Variants in TCF4 observed in about 807,000 individuals in gnomAD.
The protein encoded by TCF4 is SL3-3 enhancer factor 2.
A neutral mutation model predicts 82.1 loss-of-function variants in TCF4; 3 were observed. The ratio of observed to expected loss-of-function variants is 0.04; its 90% CI spans 0.02 to 0.09. The LOEUF (loss-of-function observed/expected upper bound fraction) is 0.09, where lower values mean the gene tolerates loss of function less well. Among genes scored for constraint, TCF4 ranks in the 10% least tolerant of loss-of-function variants. TCF4 has a pLI of 1.00. For missense variants in TCF4, 518 were observed against 852.7 expected (o/e 0.61, Z 4.89); for synonymous variants, 276 against 309.6 (o/e 0.89, Z 1.14).
intron 3 of TCF4, among the ~76,000 whole-genome samples, chr18:55,503,351 C>CA (rs2096720552): frequency 6.6e-6 from 1 of 152,158 alleles, no homozygotes; most frequent in Non-Finnish European, 1.5e-5. Context: ...TTTTGGGCAT[C>CA]ATCAATTTCA....
intron 8 of TCF4, among the ~76,000 whole-genome samples, chr18:55,298,508 T>G (rs1473658990): frequency 6.6e-6 from 1 of 151,370 alleles, no homozygotes; most frequent in Non-Finnish European, 1.5e-5. Context: ...GAAAGCAATG[T>G]TTTTAGAAAA....
chr18:55,632,289 C>T (rs1482266677), intron 1 of TCF4, among the ~76,000 whole-genome samples: 1 of 152,122 alleles, frequency 6.6e-6, no homozygotes, highest in Non-Finnish European at 1.5e-5. Context: ...TCACTCGCCT[C>T]GGCCTCCCAA....
intron 3 of TCF4, among the ~76,000 whole-genome samples, chr18:55,487,240 A>T (rs965502365): frequency 2.0e-5 from 3 of 152,198 alleles, no homozygotes; most frequent in African/African-American, 7.2e-5. Context: ...TTCCCACACA[A>T]CAAATGCATG....
At chr18:55,380,598 C>T (rs1257852739) in intron 6 of TCF4, among the ~76,000 whole-genome samples, 5 of 152,148 alleles carry the variant, frequency 3.3e-5, no homozygotes, top group African/African-American at 1.2e-4. Context: ...AGGACACAAA[C>T]AAGCAGCCCA....
chr18:55,258,621 G>A (rs530644459), intron 13 of TCF4, among the ~76,000 whole-genome samples: 46 of 152,178 alleles, frequency 3.0e-4, no homozygotes, highest in East Asian at 1.2e-3. Context: ...TACATTAGTC[G>A]TTCTCAAACA....
intron 3 of TCF4, among the ~76,000 whole-genome samples, chr18:55,577,054 A>G (rs2147689203): frequency 6.8e-6 from 1 of 147,890 alleles, no homozygotes; most frequent in South Asian, 2.1e-4. Flanking sequence ...GAGATATGAG[A>G]ATAGCAGGTA....
intron 11 of TCF4, chr18:55,267,737 G>A (rs1259220019): frequency 6.6e-6 from 1 of 151,940 alleles, no homozygotes; most frequent in Non-Finnish European, 1.5e-5. Context: ...TTCCGCTAGT[G>A]GATTTTGACA....
chr18:55,347,408 G>A (rs1000808398), intron 8 of TCF4, among the ~76,000 whole-genome samples: 1 of 151,964 alleles, frequency 6.6e-6, no homozygotes, highest in Non-Finnish European at 1.5e-5. Context: ...CCCCCGACAC[G>A]CTGTGCTTGT....
intron 2 of TCF4, among the ~76,000 whole-genome samples, chr18:55,597,540 G>A (rs2097692310): frequency 6.6e-6 from 1 of 152,004 alleles, no homozygotes; most frequent in Non-Finnish European, 1.5e-5. Context: ...GGTGGTGTGT[G>A]CCTGTATCCC....
chr18:55,493,773 TC>T (rs2096600371), intron 3 of TCF4, among the ~76,000 whole-genome samples: 1 of 152,190 alleles, frequency 6.6e-6, no homozygotes, highest in African/African-American at 2.4e-5. Flanking sequence ...CCTTTGTCTC[TC>T]TGCAAAAGAT....
intron 15 of TCF4, among the ~76,000 whole-genome samples, chr18:55,248,030 G>C (rs1032728287): frequency 3.3e-5 from 5 of 152,202 alleles, no homozygotes; most frequent in Non-Finnish European, 7.3e-5. Flanking sequence ...GATTTCAGTA[G>C]AGATAATCTC....
chr18:55,617,552 C>T (rs2097713304), intron 2 of TCF4, among the ~76,000 whole-genome samples: 1 of 152,028 alleles, frequency 6.6e-6, no homozygotes, highest in Non-Finnish European at 1.5e-5. Context: ...ATATTGTCTT[C>T]CAATCCATGA....
At chr18:55,555,098 C>T (rs2097292970) in intron 3 of TCF4, among the ~76,000 whole-genome samples, 1 of 152,098 alleles carries the variant, frequency 6.6e-6, no homozygotes. Flanking sequence ...AGCTCTCATT[C>T]ATATTTCTTT....
At chr18:55,388,782 A>G (rs1012513038) in intron 6 of TCF4, among the ~76,000 whole-genome samples, 3 of 152,176 alleles carry the variant, frequency 2.0e-5, no homozygotes, top group African/African-American at 7.2e-5. Context: ...AGTGAAAACA[A>G]ATCTCTCTAA....
chr18:55,511,346 A>AAAAAAAAC (rs1555713661), intron 3 of TCF4, among the ~76,000 whole-genome samples: 1 of 150,982 alleles, frequency 6.6e-6, no homozygotes, highest in African/African-American at 2.4e-5. Context: ...AAAAAAAAAA[A>AAAAAAAAC]AAAAGCATTC....
chr18:55,494,649 T>C (rs1568221793), intron 3 of TCF4, among the ~76,000 whole-genome samples: 1 of 151,978 alleles, frequency 6.6e-6, no homozygotes, highest in Non-Finnish European at 1.5e-5. Flanking sequence ...ATCAGGAATG[T>C]GAATAAGAGA....
At chr18:55,248,709 T>C (rs1419050427) in intron 15 of TCF4, among the ~76,000 whole-genome samples, 1 of 152,184 alleles carries the variant, frequency 6.6e-6, no homozygotes, top group Non-Finnish European at 1.5e-5. Flanking sequence ...GTGTAGGATA[T>C]AGCACAAGGA....
Position 55,222,756 on chromosome 18 carries a change from C to T in TCF4, c.*5279G>A, listed in dbSNP as rs2046037460. ...CAAATTTTGCAAAGTAGATTGATGT[C>T]CATTCTACAAAAATATTAACTTACA... is the stretch of plus-strand genomic sequence containing the variant. On this transcript the variant is annotated 3_prime_UTR_variant, in exon 20 of 20. Transcript: ENST00000354452. 1 of 152,598 alleles carries T rather than the reference C, an allele frequency of 6.6e-6. No homozygotes were observed. Among genetic ancestry groups the T allele is most frequent in the Non-Finnish European group, 1.5e-5 (1 of 68,032 alleles). 9.5% of individuals were successfully genotyped at this position (152,598 alleles called of 1,614,324 possible). A position where few individuals can be genotyped will look rare whatever the true frequency, so the allele number is the denominator to read the frequency against.
intron 3 of TCF4, among the ~76,000 whole-genome samples, chr18:55,570,680 G>A (rs868024960): frequency 2.0e-5 from 3 of 151,932 alleles, no homozygotes; most frequent in South Asian, 2.1e-4. Context: ...TCAGAAGTTC[G>A]AGACCAGCCC....
Sources: allele counts gnomAD v4.1 joint callset (sites outside exome capture counted in the v4.1 genomes callset), GRCh38; gene constraint gnomAD v4.1.1; transcripts MANE v1.5; gene names NCBI Gene and HGNC (gene_info 2026-07-23, HGNC 2026-07-21).